Variants in NPPB observed in about 807,000 individuals in gnomAD.
The protein encoded by NPPB is natriuretic peptide B, also known as natriuretic peptides B.
In NPPB, 13 loss-of-function variants were observed where a neutral mutation model predicts 12.7. The observed-to-expected ratio is 1.03, with a 90% CI of 0.67 to 1.63. The LOEUF is 1.63. Ranked by LOEUF, NPPB falls within the 40% of genes most tolerant of loss-of-function variation. The probability of loss-of-function intolerance (pLI) is 0.00; values close to 1 mark genes in which losing one functional copy is unlikely to be tolerated. For synonymous variants in NPPB, 66 were observed against 74.7 expected, an observed-to-expected ratio of 0.88 and a Z score of 0.60; for missense variants, 184 against 172.9, an observed-to-expected ratio of 1.06 and a Z score of -0.36.
In NPPB at chr1:11,857,510, C is replaced by T. The variant is rs1645128583; in HGVS notation, c.*145G>A. The T allele has an allele frequency of 4.1e-6, 3 of 729,308 alleles. No individual in the cohort carries two copies. Among genetic ancestry groups the T allele is most frequent in the Non-Finnish European group, 6.9e-6 (3 of 435,142 alleles). The allele number at this position is 729,308 out of a possible 1,614,324, so 45.2% of individuals were successfully genotyped here. On this transcript the variant is annotated 3_prime_UTR_variant, in exon 3 of 3. Coordinates refer to ENST00000376468, the MANE Select transcript of NPPB (RefSeq NM_002521.3). ...TATTTCACCGTGGAAATTTTGTGCTCAAAGGTAAGAAACCATCTTATATAA... is the reference window on the plus strand; with the variant it reads ...TATTTCACCGTGGAAATTTTGTGCTTAAAGGTAAGAAACCATCTTATATAA...
rs756326340 is a variant in NPPB, at chr1:11,858,349, C to T, written c.253G>A (p.Glu85Lys). Reference sequence around the variant, plus strand: ...ATTTTGCGGTGCCCACGGATGCCCTCGGTGGCTACCTCCCGGGACTTCCAG... The same window carrying T: ...ATTTTGCGGTGCCCACGGATGCCCTTGGTGGCTACCTCCCGGGACTTCCAG... ...GVWKSREVATEGIRGHRKMVL... is the reference protein window; with the variant it reads ...GVWKSREVATKGIRGHRKMVL... The change falls in exon 2 of 3, where the codon GAG becomes AAG. Residue 85 changes from glutamate (E) to lysine (K), a missense_variant. Coordinates refer to ENST00000376468, the MANE Select transcript of NPPB (RefSeq NM_002521.3). 9.3e-6 allele frequency: 15 copies of T among 1,611,906 alleles called. No individual in the cohort carries two copies. Among genetic ancestry groups the T allele is most frequent in the Middle Eastern group, 1.6e-4 (1 of 6,078 alleles).
rs1570558448 is a variant in NPPB at position 11,858,254 on chromosome 1, C to G, written c.348G>C (p.Lys116Asn). Residue 116 changes from lysine to asparagine, a missense_variant, in exon 2 of 3, where the codon AAG (lysine) becomes AAC (asparagine). Transcript: ENST00000376468. ...CACTGGAGGAGCTGATCCGGTCCAT[C>G]TTCCTCCCAAAGCAGCCAGACCCTT... The part of the protein sequence containing the change: ...MVQGSGCFGR[K>N]MDRISSSSGL... 6.2e-7 allele frequency: 1 copy of G among 1,613,712 alleles called. No individual in the cohort carries two copies. Among genetic ancestry groups the G allele is most frequent in the African/African-American group, 1.3e-5 (1 of 75,046 alleles).
Position 11,858,761 on chromosome 1 carries a change from G to A in NPPB, c.73C>T (p.Arg25Cys). The A allele has an allele frequency of 1.2e-6, 2 of 1,614,178 alleles. No individual in the cohort carries two copies. Among genetic ancestry groups the A allele is most frequent in the Non-Finnish European group, 1.7e-6 (2 of 1,180,026 alleles). ...CCGGGGCTGCCCAGCGGGTGGGAAC[G>A]ACCTCCCAGGAAAGCCAGATGCAAG... ...LFLHLAFLGGRSHPLGSPGSA... is the reference protein window; with the variant it reads ...LFLHLAFLGGCSHPLGSPGSA... The change falls in exon 1 of 3, where the codon CGT becomes TGT. Residue 25 changes from arginine (R) to cysteine (C), a missense_variant. Arg to Cys is a radical substitution (Grantham distance 180, BLOSUM62 -3). Transcript: ENST00000376468.
At chr1:11,858,637 G>A (rs1645135368) in intron 1 of NPPB, 65 bp downstream of exon 1, 1 of 1,610,464 alleles carries the variant, frequency 6.2e-7, no homozygotes, top group African/African-American at 1.3e-5. Context: ...GGGCCTCTTG[G>A]GACAGCAGGT....
At position 11,857,635 on chromosome 1, in the gene NPPB, T is replaced by A; in HGVS notation, c.*20A>T. ...CCCCTTGTGGAATCAGAAGCAGGTG[T>A]CTGCAGCCAGGACTTCCTCTTAATG... On this transcript the variant is annotated 3_prime_UTR_variant, in exon 3 of 3. Transcript: ENST00000376468. 2 of 1,613,864 alleles carry A rather than the reference T, an allele frequency of 1.2e-6. No individual in the cohort carries two copies. Among genetic ancestry groups the A allele is most frequent in the South Asian group, 1.1e-5 (1 of 91,056 alleles).
At chr1:11,858,114 CAA>C (rs1412665375) in intron 2 of NPPB, 98 bp downstream of exon 2, 1 of 1,196,858 alleles carries the variant, frequency 8.4e-7, no homozygotes, top group Non-Finnish European at 1.2e-6. Flanking sequence ...GACCTTTTCT[CAA>C]AGAGTGTGGT....
intron 1 of NPPB, 95 bp downstream of exon 1, chr1:11,858,607 T>G (rs1318248416): frequency 7.5e-6 from 12 of 1,599,718 alleles, no homozygotes; most frequent in Non-Finnish European, 9.4e-6. Flanking sequence ...CCTTTATCAC[T>G]AATTCCAAAG....
At position 11,858,854 on chromosome 1, in the gene NPPB, G is replaced by T. The variant is rs1211308405; in HGVS notation, c.-21C>A. ...TCCATGTCTCTGGAGGGACTGCGGA[G>T]GCTGCTGCTGCTGCTTCTGCTGCTG... On this transcript the variant is annotated 5_prime_UTR_variant, in exon 1 of 3. Transcript: ENST00000376468. 6.8e-6 allele frequency: 11 copies of T among 1,609,022 alleles called. No homozygotes were observed. Among genetic ancestry groups the T allele is most frequent in the Non-Finnish European group, 9.3e-6 (11 of 1,179,874 alleles).
At position 11,857,601 on chromosome 1, in the gene NPPB, A is replaced by AG. The variant is rs1282734229; in HGVS notation, c.*53dup. ...CACTTCAAAGGCGGCCACAGGGTTGAGGAAAAAGCCCCTTGTGGAATCAGA... is the reference window on the plus strand; with the variant it reads ...CACTTCAAAGGCGGCCACAGGGTTGAGGGAAAAAGCCCCTTGTGGAATCAGA... On this transcript the variant is annotated 3_prime_UTR_variant, in exon 3 of 3. Transcript: ENST00000376468. 2.5e-6 allele frequency: 4 copies of AG among 1,592,086 alleles called. No individual in the cohort carries two copies. The highest frequency in any genetic ancestry group is 1.3e-5 in the African/African-American group (1 of 74,440).
chr1:11,858,441 A>T lies in NPPB; in HGVS notation c.161T>A (p.Leu54Gln), dbSNP rs1645134332. The change falls in exon 2 of 3, where the codon CTG becomes CAG. Residue 54 changes from leucine to glutamine, a missense_variant. Coordinates refer to ENST00000376468, the MANE Select transcript of NPPB (RefSeq NM_002521.3). ...TGTCTGCTCCACCTGCAGCTCCGAC[A>T]GTTTGCCCTGCAAATGGTTGCGCTG... Reference protein sequence around the residue: ...QEQRNHLQGKLSELQVEQTSL... With the variant: ...QEQRNHLQGKQSELQVEQTSL... 62 of 1,546,488 alleles carry T rather than the reference A, an allele frequency of 4.0e-5. No individual in the cohort carries two copies. The highest frequency in any genetic ancestry group is 5.4e-5 in the Non-Finnish European group (62 of 1,146,040).
Position 11,858,198 on chromosome 1 carries a change from G to A in NPPB, c.388+16C>T, listed in dbSNP as rs368956634. On this transcript the variant is annotated intron_variant, in intron 2 of 2. Coordinates refer to ENST00000376468, the MANE Select transcript of NPPB (RefSeq NM_002521.3). Reference sequence around the variant, plus strand: ...TGGAATGGGGGAAGGCGGCCGGGGTGGCAGGGGGTGCTTACCTTTGCAGCC... The same window carrying A: ...TGGAATGGGGGAAGGCGGCCGGGGTAGCAGGGGGTGCTTACCTTTGCAGCC... 1.3e-6 allele frequency: 2 copies of A among 1,582,966 alleles called. No individual in the cohort carries two copies. The highest frequency in any genetic ancestry group is 1.7e-6 in the Non-Finnish European group (2 of 1,162,004).
At chr1:11,858,078 T>A in intron 2 of NPPB, 136 bp downstream of exon 2, 1 of 850,496 alleles carries the variant, frequency 1.2e-6, no homozygotes, top group Non-Finnish European at 1.8e-6. Context: ...CTGAAGGCTG[T>A]TAACAAGAGG....
rs35519114 is a variant in NPPB at position 11,858,870 on chromosome 1, TCTGCTGCTG to T, written c.-46_-38del. The T allele has an allele frequency of 3.5e-5, 57 of 1,607,766 alleles. No homozygotes were observed. Among genetic ancestry groups the T allele is most frequent in the Middle Eastern group, 3.4e-4 (2 of 5,874 alleles). The stretch of plus-strand genomic sequence containing the variant: ...GACTGCGGAGGCTGCTGCTGCTGCT[TCTGCTGCTG>T]CTGCTGCTGCTGCGATGCGTCCGGG... On this transcript the variant is annotated 5_prime_UTR_variant, in exon 1 of 3. Coordinates refer to ENST00000376468, the MANE Select transcript of NPPB (RefSeq NM_002521.3).
intron 2 of NPPB, 75 bp from the exon 3 acceptor site, chr1:11,857,746 T>C (rs1299252025): frequency 1.1e-5 from 16 of 1,470,124 alleles, no homozygotes; most frequent in African/African-American, 2.8e-5. Context: ...CCTCATCGTG[T>C]GCCACCCACC....
Position 11,858,938 on chromosome 1 carries a change from C to A in NPPB, c.-105G>T. 6.4e-7 allele frequency: 1 copy of A among 1,551,554 alleles called. No homozygotes were observed. On this transcript the variant is annotated 5_prime_UTR_variant, in exon 1 of 3. Coordinates refer to ENST00000376468, the MANE Select transcript of NPPB (RefSeq NM_002521.3). ...CCACCTGCCCTCAGCCTGCGGGGTG[C>A]TCCTCCTGGCTCCTCGGGACACCGT...
At position 11,858,876 on chromosome 1, in the gene NPPB, G is replaced by T. The variant is rs1257171686; in HGVS notation, c.-43C>A. ...GGAGGCTGCTGCTGCTGCTTCTGCT[G>T]CTGCTGCTGCTGCTGCGATGCGTCC... On this transcript the variant is annotated 5_prime_UTR_variant, in exon 1 of 3. Transcript: ENST00000376468. 6.3e-7 allele frequency: 1 copy of T among 1,582,078 alleles called. No homozygotes were observed. The highest frequency in any genetic ancestry group is 8.6e-7 in the Non-Finnish European group (1 of 1,158,390).
At position 11,858,437 on chromosome 1, in the gene NPPB, C is replaced by T. The variant is rs570257248; in HGVS notation, c.165G>A (p.Ser55=). The change falls in exon 2 of 3, where the codon TCG becomes TCA. Residue 55 remains serine (S), a synonymous_variant. Coordinates refer to ENST00000376468, the MANE Select transcript of NPPB (RefSeq NM_002521.3). ...GGGATGTCTGCTCCACCTGCAGCTC[C>T]GACAGTTTGCCCTGCAAATGGTTGC... is the stretch of plus-strand genomic sequence containing the variant. The part of the protein sequence containing the change: ...EQRNHLQGKL[S]ELQVEQTSLE... 17 of 1,546,748 alleles carry T rather than the reference C, an allele frequency of 1.1e-5. No individual in the cohort carries two copies. The East Asian group carries it at 3.6e-4, about 33-fold the overall frequency.
chr1:11,858,377 AC>A lies in NPPB; in HGVS notation c.224del (p.Gly75ValfsTer8). The A allele has an allele frequency of 6.2e-7, 1 of 1,603,008 alleles. No homozygotes were observed. The highest frequency in any genetic ancestry group is 8.5e-7 in the Non-Finnish European group (1 of 1,173,460). ...TGGCTACCTCCCGGGACTTCCAGAC[AC>A]CTGTGGGACGGGGGCTCTCCTGGAG... Reference protein sequence around the residue: ...EPLQESPRPTGVWKSREVATE... With the variant: ...EPLQESPRPTXVWKSREVATE... On this transcript the variant is annotated frameshift_variant, in exon 2 of 3. Coordinates refer to ENST00000376468, the MANE Select transcript of NPPB (RefSeq NM_002521.3). LOFTEE classifies it high-confidence loss of function.
At position 11,858,895 on chromosome 1, in the gene NPPB, T is replaced by A; in HGVS notation, c.-62A>T. On this transcript the variant is annotated 5_prime_UTR_variant, in exon 1 of 3. Coordinates refer to ENST00000376468, the MANE Select transcript of NPPB (RefSeq NM_002521.3). ...TCTGCTGCTGCTGCTGCTGCTGCGA[T>A]GCGTCCGGGTTTGCTTCCCACCTGC... 1 of 1,587,156 alleles carries A rather than the reference T, an allele frequency of 6.3e-7. No individual in the cohort carries two copies. Among genetic ancestry groups the A allele is most frequent in the South Asian group, 1.1e-5 (1 of 90,020 alleles).
Sources: gnomAD v4.1 joint callset for allele counts on GRCh38, gnomAD v4.1.1 for gene constraint, MANE v1.5 for transcripts, NCBI Gene and HGNC (gene_info 2026-07-23, HGNC 2026-07-21) for gene names.